ERI1: variants seen among roughly 807,000 people sequenced by gnomAD.
The protein encoded by ERI1 is 3'-5' exoribonuclease 1.
In ERI1, 39 loss-of-function variants were observed where a neutral mutation model predicts 39.7. The observed-to-expected ratio is 0.98, with a 90% CI of 0.76 to 1.28. ERI1 has a LOEUF of 1.28. Ranked by LOEUF, ERI1 falls within the 50% of genes most tolerant of loss-of-function variation. The probability of loss-of-function intolerance (pLI) is 0.00; values close to 1 mark genes in which losing one functional copy is unlikely to be tolerated. For synonymous variants in ERI1, 204 were observed against 149.6 expected (o/e 1.36, Z -2.65); for missense variants, 581 against 416.9 (o/e 1.39, Z -3.43).
intron 3 of ERI1, among the ~76,000 whole-genome samples, chr8:9,040,042 T>C (rs1196273627): frequency 6.6e-6 from 1 of 152,220 alleles, no homozygotes; most frequent in African/African-American, 2.4e-5. Context: ...GTATTTTTCC[T>C]TCCAGTCAAT....
chr8:9,022,799 C>T (rs1002855900), intron 6 of ERI1, among the ~76,000 whole-genome samples: 1 of 152,034 alleles, frequency 6.6e-6, no homozygotes, highest in African/African-American at 2.4e-5. Context: ...GGTATGAGTC[C>T]TCATGACCCA....
rs147448067 is a variant in ERI1, at chr8:9,026,656, C to T, written c.808-3136C>T. 8.9e-4 allele frequency among the ~76,000 whole-genome samples: 135 copies of T among 152,248 alleles called. 1 individual carries two copies. The highest frequency in any genetic ancestry group is 3.0e-3 in the African/African-American group (125 of 41,560). On this transcript the variant is annotated intron_variant, in intron 6 of 6. Transcript: ENST00000250263. The stretch of plus-strand genomic sequence containing the variant: ...TCAATATCTGAAATGCTCCAAAAAT[C>T]TGAAACTTTCTGGGCACTGACATTG...
chr8:9,062,559 C>A (rs1456452548), intron 3 of ERI1: 3 of 117,680 alleles, frequency 2.5e-5, no homozygotes, highest in African/African-American at 5.2e-5. Flanking sequence ...GGGAAACAGG[C>A]CCTTGAAAAG....
In ERI1 at chr8:9,032,284, GTTAC is replaced by G. The variant is rs1418498273; in HGVS notation, c.*2254_*2257del. On this transcript the variant is annotated 3_prime_UTR_variant, in exon 7 of 7. Transcript: ENST00000250263. ...ATTCTATTATTGTTTCTTATTAATA[GTTAC>G]TTAGTATTTACAAACAATTTATTAT... is the stretch of plus-strand genomic sequence containing the variant. 2 of 152,168 alleles carry G rather than the reference GTTAC, an allele frequency of 1.3e-5. No homozygotes were observed. Among genetic ancestry groups the G allele is most frequent in the African/African-American group, 4.8e-5 (2 of 41,486 alleles). 9.4% of individuals were successfully genotyped at this position (152,168 alleles called of 1,614,324 possible). A position where few individuals can be genotyped will look rare whatever the true frequency, so the allele number is the denominator to read the frequency against.
intron 3 of ERI1, among the ~76,000 whole-genome samples, chr8:9,095,055 C>A (rs1361669182): frequency 1.3e-5 from 2 of 152,160 alleles, no homozygotes; most frequent in African/African-American, 4.8e-5. Flanking sequence ...CTGGCAGTTG[C>A]AACAGCTTTA....
At chr8:9,077,692 G>A (rs1338889000) in intron 3 of ERI1, among the ~76,000 whole-genome samples, 1 of 152,180 alleles carries the variant, frequency 6.6e-6, no homozygotes, top group African/African-American at 2.4e-5. Context: ...TGAGCAAGAG[G>A]TCAGACCTTT....
chr8:9,080,199 C>A (rs569238119), intron 3 of ERI1, among the ~76,000 whole-genome samples: 1 of 152,116 alleles, frequency 6.6e-6, no homozygotes, highest in Non-Finnish European at 1.5e-5. Flanking sequence ...GGGAGTAGGA[C>A]GTGATTGCTG....
At chr8:9,094,576 C>T (rs1442469756) in intron 3 of ERI1, among the ~76,000 whole-genome samples, 1 of 152,156 alleles carries the variant, frequency 6.6e-6, no homozygotes, top group Non-Finnish European at 1.5e-5. Flanking sequence ...GAGTTTCCAG[C>T]AACCCAACTG....
At chr8:9,082,002 C>T (rs189002721) in intron 3 of ERI1, among the ~76,000 whole-genome samples, 2 of 152,294 alleles carry the variant, frequency 1.3e-5, no homozygotes, top group African/African-American at 2.4e-5. Context: ...TCCATCTGGA[C>T]CCTGCAGCCA....
chr8:9,020,590 C>G, intron 6 of ERI1, 126 bp downstream of exon 6: 1 of 589,890 alleles, frequency 1.7e-6, no homozygotes, highest in African/African-American at 1.9e-5. Context: ...AGTTCTTACT[C>G]TTCAGATTCC....
chr8:9,076,660 C>G (rs1251755692), intron 3 of ERI1, among the ~76,000 whole-genome samples: 1 of 152,162 alleles, frequency 6.6e-6, no homozygotes, highest in African/African-American at 2.4e-5. Flanking sequence ...GTGGGAGAAA[C>G]TACATAATAT....
intron 3 of ERI1, among the ~76,000 whole-genome samples, chr8:9,039,635 A>G (rs1797955776): frequency 6.6e-6 from 1 of 152,232 alleles, no homozygotes; most frequent in Non-Finnish European, 1.5e-5. Context: ...ATAGGTGTGT[A>G]CGTATATTGA....
chr8:9,065,977 G>T (rs1050381171), intron 3 of ERI1, among the ~76,000 whole-genome samples: 6 of 152,086 alleles, frequency 3.9e-5, no homozygotes, highest in African/African-American at 1.2e-4. Context: ...GGAAGTGGAG[G>T]GTGAATAGGT....
At chr8:9,088,415 G>C (rs2117470035) in intron 3 of ERI1, 1 of 152,228 alleles carries the variant, frequency 6.6e-6, no homozygotes, top group East Asian at 1.9e-4. Context: ...AGCTCAAGTT[G>C]TGCCCATTCT....
intron 3 of ERI1, among the ~76,000 whole-genome samples, chr8:9,053,040 G>C (rs147907485): frequency 1.3e-5 from 2 of 152,014 alleles, no homozygotes; most frequent in Non-Finnish European, 2.9e-5. Context: ...TGTTTGAGAC[G>C]GAGTCTTGCT....
intron 6 of ERI1, among the ~76,000 whole-genome samples, chr8:9,024,462 C>A (rs1315193330): frequency 1.3e-5 from 2 of 151,802 alleles, no homozygotes; most frequent in Non-Finnish European, 2.9e-5. Context: ...ACTCTGTCAT[C>A]CAGCCTGGAG....
chr8:9,020,928 T>C (rs112997086), intron 6 of ERI1, among the ~76,000 whole-genome samples: 1 of 152,328 alleles, frequency 6.6e-6, no homozygotes, highest in Middle Eastern at 3.4e-3. Context: ...TTTTTGTTTT[T>C]GTTTTTTTTC....
intron 3 of ERI1, among the ~76,000 whole-genome samples, chr8:9,047,364 T>C (rs28393746): frequency 0.18 from 27,637 of 152,110 alleles, 3,198 homozygotes; most frequent in African/African-American, 0.31. Flanking sequence ...TCTGCTCACT[T>C]CTGTGGCCAC....
intron 3 of ERI1, among the ~76,000 whole-genome samples, chr8:9,070,118 A>C (rs1484233143): frequency 1.3e-5 from 2 of 152,064 alleles, no homozygotes; most frequent in African/African-American, 2.4e-5. Context: ...AGGCACCTGT[A>C]ATCCCAGCTA....
Sources: allele counts gnomAD v4.1 joint callset (sites outside exome capture counted in the v4.1 genomes callset), GRCh38; gene constraint gnomAD v4.1.1; transcripts MANE v1.5; gene names NCBI Gene and HGNC (gene_info 2026-07-23, HGNC 2026-07-21).